The following NKAIN3 variants were observed in gnomAD, a reference collection of about 807,000 sequenced individuals.
NKAIN3 encodes sodium/potassium-transporting ATPase subunit beta-1-interacting protein 3.
NKAIN3 carries 25 observed loss-of-function variants against 30.2 expected under a neutral mutation model. That is an observed-to-expected ratio of 0.83 (90% CI 0.60 to 1.16). The LOEUF (loss-of-function observed/expected upper bound fraction) is 1.16. Ranked by LOEUF, NKAIN3 falls within the 50% of genes most tolerant of loss-of-function variation. NKAIN3 has a pLI of 0.00. For synonymous variants in NKAIN3, 91 were observed against 89.6 expected, an observed-to-expected ratio of 1.02 and a Z score of -0.09; for missense variants, 225 against 254.1, an observed-to-expected ratio of 0.89 and a Z score of 0.78.
chr8:62,533,147 C>T (rs965204059), intron 1 of NKAIN3, among the ~76,000 whole-genome samples: 17 of 151,862 alleles, frequency 1.1e-4, no homozygotes, highest in Non-Finnish European at 2.1e-4. Context: ...GAAAAGAAAA[C>T]AGGAAATGAA....
intron 1 of NKAIN3, among the ~76,000 whole-genome samples, chr8:62,380,592 G>T (rs1328559546): frequency 6.6e-6 from 1 of 152,202 alleles, no homozygotes; most frequent in Non-Finnish European, 1.5e-5. Flanking sequence ...AAGGCTGAGT[G>T]TCTCTGTGCT....
At chr8:62,747,157 A>G in intron 4 of NKAIN3, 28 bp downstream of exon 4, 1 of 1,460,916 alleles carries the variant, frequency 6.8e-7, no homozygotes, top group Non-Finnish European at 9.5e-7. Flanking sequence ...GTCATTATCT[A>G]ATCAGAACTC....
At chr8:62,445,531 A>T (rs1267035260) in intron 1 of NKAIN3, among the ~76,000 whole-genome samples, 4 of 152,246 alleles carry the variant, frequency 2.6e-5, no homozygotes, top group Middle Eastern at 6.8e-3. Flanking sequence ...TACACTCCCA[A>T]CTATTTTCTG....
At chr8:62,604,808 A>G (rs567358393) in intron 3 of NKAIN3, among the ~76,000 whole-genome samples, 4 of 152,278 alleles carry the variant, frequency 2.6e-5, no homozygotes, top group African/African-American at 9.6e-5. Flanking sequence ...GCTTTCTGTA[A>G]AAATCATATC....
At chr8:62,429,382 T>G (rs149413028) in intron 1 of NKAIN3, among the ~76,000 whole-genome samples, 1 of 152,094 alleles carries the variant, frequency 6.6e-6, no homozygotes, top group East Asian at 1.9e-4. Flanking sequence ...TTTTTGTACT[T>G]GATTCTATTA....
chr8:62,440,554 T>A (rs1195890257), intron 1 of NKAIN3, among the ~76,000 whole-genome samples: 2 of 152,180 alleles, frequency 1.3e-5, no homozygotes, highest in Non-Finnish European at 2.9e-5. Context: ...ATGTCCTTCA[T>A]CTTGAAACAC....
intron 1 of NKAIN3, among the ~76,000 whole-genome samples, chr8:62,458,054 G>A (rs996766317): frequency 6.6e-6 from 1 of 152,090 alleles, no homozygotes. Context: ...TCTGGTCTTC[G>A]AATGCTATAG....
intron 4 of NKAIN3, among the ~76,000 whole-genome samples, chr8:62,747,381 A>T (rs1816113256): frequency 6.6e-6 from 1 of 152,186 alleles, no homozygotes; most frequent in Admixed American, 6.5e-5. Flanking sequence ...CACACTATTC[A>T]ATGAAACAGT....
At chr8:62,904,750 C>G (rs140127094) in intron 4 of NKAIN3, among the ~76,000 whole-genome samples, 1 of 152,232 alleles carries the variant, frequency 6.6e-6, no homozygotes, top group African/African-American at 2.4e-5. Context: ...ATGAAACATT[C>G]TTCTTAGCAG....
intron 3 of NKAIN3, among the ~76,000 whole-genome samples, chr8:62,735,237 T>C (rs1165236548): frequency 6.6e-6 from 1 of 152,202 alleles, no homozygotes; most frequent in Non-Finnish European, 1.5e-5. Context: ...GAAATACCAA[T>C]TATTCTTAGG....
At chr8:62,593,485 TATCTC>T (rs1810721101) in intron 3 of NKAIN3, among the ~76,000 whole-genome samples, 1 of 151,978 alleles carries the variant, frequency 6.6e-6, no homozygotes, top group Admixed American at 6.6e-5. Flanking sequence ...ATTTGACTAA[TATCTC>T]ATAGTTGGTT....
chr8:62,595,391 T>C (rs1320194890), intron 3 of NKAIN3, among the ~76,000 whole-genome samples: 28 of 119,722 alleles, frequency 2.3e-4, no homozygotes, highest in African/African-American at 7.3e-4. Flanking sequence ...TCTTTTTTTT[T>C]TTTTTTTTTT....
chr8:62,932,078 T>C (rs898586719), intron 5 of NKAIN3, among the ~76,000 whole-genome samples: 1 of 152,238 alleles, frequency 6.6e-6, no homozygotes, highest in Admixed American at 6.5e-5. Flanking sequence ...GACTTTTAAG[T>C]CCCTTAAATA....
chr8:62,838,627 A>C (rs1211979873), intron 4 of NKAIN3, among the ~76,000 whole-genome samples: 2 of 152,048 alleles, frequency 1.3e-5, no homozygotes, highest in African/African-American at 4.8e-5. Flanking sequence ...TTGATGAGGG[A>C]CTTATTGACT....
intron 1 of NKAIN3, among the ~76,000 whole-genome samples, chr8:62,300,417 G>A (rs1013139704): frequency 1.3e-5 from 2 of 151,950 alleles, no homozygotes; most frequent in Non-Finnish European, 2.9e-5. Flanking sequence ...ATCATAATGA[G>A]TTTATCTACT....
At chr8:62,387,223 T>C (rs1817456761) in intron 1 of NKAIN3, among the ~76,000 whole-genome samples, 1 of 152,092 alleles carries the variant, frequency 6.6e-6, no homozygotes, top group South Asian at 2.1e-4. Context: ...ATGAAATGAA[T>C]CTTGCCACAT....
At chr8:62,881,769 A>G (rs2130814187) in intron 4 of NKAIN3, among the ~76,000 whole-genome samples, 1 of 152,344 alleles carries the variant, frequency 6.6e-6, no homozygotes, top group Non-Finnish European at 1.5e-5. Flanking sequence ...TGATTGCTGG[A>G]TCATATGGTA....
intron 1 of NKAIN3, among the ~76,000 whole-genome samples, chr8:62,359,792 C>A (rs1335087060): frequency 2.0e-5 from 3 of 152,228 alleles, no homozygotes; most frequent in Non-Finnish European, 4.4e-5. Flanking sequence ...GATGATGCCA[C>A]TGCCTTGTAT....
chr8:62,675,111 C>G (rs774522063), intron 3 of NKAIN3, among the ~76,000 whole-genome samples: 1 of 152,052 alleles, frequency 6.6e-6, no homozygotes, highest in Non-Finnish European at 1.5e-5. Flanking sequence ...CAGTATGACC[C>G]TCTGCGAAAT....
Sources: allele counts gnomAD v4.1 joint callset (sites outside exome capture counted in the v4.1 genomes callset), GRCh38; gene constraint gnomAD v4.1.1; transcripts MANE v1.5; gene names NCBI Gene and HGNC (gene_info 2026-07-23, HGNC 2026-07-21).